DSCAM: variants seen among roughly 807,000 people sequenced by gnomAD.
DSCAM encodes the protein cell adhesion molecule DSCAM.
DSCAM carries 47 observed loss-of-function variants against 217.7 expected under a neutral mutation model. The ratio of observed to expected loss-of-function variants is 0.22; its 90% confidence interval spans 0.17 to 0.28. The LOEUF (loss-of-function observed/expected upper bound fraction) is 0.28, where lower values mean the gene tolerates loss of function less well. DSCAM is among the 10% of genes least tolerant of loss of function. The pLI, the probability that DSCAM is intolerant of heterozygous loss-of-function variation, is 1.00. For synonymous variants in DSCAM, 1,056 were observed against 1,015.3 expected (o/e 1.04, Z -0.76); for missense variants, 2,080 against 2,618.3 (o/e 0.79, Z 4.49).
At chr21:40,222,470 G>C (rs530937631) in intron 11 of DSCAM, among the ~76,000 whole-genome samples, 2 of 152,262 alleles carry the variant, frequency 1.3e-5, no homozygotes, top group Admixed American at 1.3e-4. Context: ...TTTTGGTAGA[G>C]TATCAAAGAG....
chr21:40,802,675 A>G (rs1163754763), intron 1 of DSCAM, among the ~76,000 whole-genome samples: 1 of 152,170 alleles, frequency 6.6e-6, no homozygotes, highest in Non-Finnish European at 1.5e-5. Flanking sequence ...GCTTCGTAAC[A>G]GGAGAAAGAG....
At chr21:40,680,304 T>C (rs1201424045) in intron 3 of DSCAM, among the ~76,000 whole-genome samples, 3 of 152,176 alleles carry the variant, frequency 2.0e-5, no homozygotes, top group Non-Finnish European at 4.4e-5. Context: ...CAGAATTACT[T>C]AGCTATGTTC....
At chr21:40,231,236 G>C (rs2091379527) in intron 11 of DSCAM, among the ~76,000 whole-genome samples, 2 of 151,128 alleles carry the variant, frequency 1.3e-5, no homozygotes, top group African/African-American at 4.9e-5. Flanking sequence ...GTCTGTGAAA[G>C]TGTGAGGACG....
At chr21:40,306,871 A>G (rs992466579) in intron 9 of DSCAM, among the ~76,000 whole-genome samples, 1 of 151,812 alleles carries the variant, frequency 6.6e-6, no homozygotes, top group Non-Finnish European at 1.5e-5. Context: ...TTTTTGCATC[A>G]ATGTTCATCA....
chr21:40,360,121 G>GTTTTTTTTTTTTTTTTTTT lies in DSCAM; in HGVS notation c.656-6379_656-6378insAAAAAAAAAAAAAAAAAAA, dbSNP rs764160478. ...TAGTGAGCATGGTACTTCATAGGTA[G>GTTTTTTTTTTTTTTTTTTT]TCTTTTTTTTTTTTTTTTTTTTTTT... On this transcript the variant is annotated intron_variant, in intron 4 of 32. Coordinates refer to ENST00000400454, the MANE Select transcript of DSCAM (RefSeq NM_001389.5). Among the ~76,000 whole-genome samples, 19 of 82,656 alleles carry GTTTTTTTTTTTTTTTTTTT rather than the reference G, an allele frequency of 2.3e-4. 8 individuals are homozygous for GTTTTTTTTTTTTTTTTTTT. The highest frequency in any genetic ancestry group is 4.4e-4 in the East Asian group (1 of 2,292). The allele number at this position is 82,656 out of a possible 152,430, so 54.2% of individuals were successfully genotyped here.
intron 3 of DSCAM, among the ~76,000 whole-genome samples, chr21:40,503,275 A>G (rs78031292): frequency 0.012 from 1,866 of 152,288 alleles, 35 homozygotes; most frequent in African/African-American, 0.041. Flanking sequence ...GTCTTCTTCG[A>G]GCATTGCCCT....
intron 5 of DSCAM, among the ~76,000 whole-genome samples, chr21:40,349,744 A>C (rs2074608333): frequency 6.6e-6 from 1 of 152,210 alleles, no homozygotes; most frequent in South Asian, 2.1e-4. Flanking sequence ...TTTTTGGTGA[A>C]AGACCTACAG....
intron 3 of DSCAM, among the ~76,000 whole-genome samples, chr21:40,689,319 T>C (rs149596364): frequency 6.6e-6 from 1 of 152,338 alleles, no homozygotes; most frequent in East Asian, 1.9e-4. Context: ...AGCTCATCTG[T>C]TAGAAGCAGG....
At chr21:40,519,006 A>G (rs1199088515) in intron 3 of DSCAM, among the ~76,000 whole-genome samples, 1 of 152,142 alleles carries the variant, frequency 6.6e-6, no homozygotes, top group Non-Finnish European at 1.5e-5. Flanking sequence ...CTTCATTTCT[A>G]AATATACCAA....
intron 10 of DSCAM, among the ~76,000 whole-genome samples, chr21:40,282,202 C>G (rs2073769864): frequency 6.6e-6 from 1 of 152,102 alleles, no homozygotes; most frequent in Non-Finnish European, 1.5e-5. Context: ...ATGTCGTTCC[C>G]AAAGTTGACT....
In DSCAM at chr21:40,619,966, AAAAG is replaced by A. The variant is rs1416920610; in HGVS notation, c.508+72840_508+72843del. Among the ~76,000 whole-genome samples, 3 of 149,754 alleles carry A rather than the reference AAAAG, an allele frequency of 2.0e-5. No homozygotes were observed. In the South Asian group the frequency reaches 6.4e-4, roughly 32 times the overall value. ...AAAGGAAGAAAAAAGGAAAAAGAGA[AAAAG>A]AAGGAAAAGAAAAAGAAAGAGAGAG... is the stretch of plus-strand genomic sequence containing the variant. On this transcript the variant is annotated intron_variant, in intron 3 of 32. Coordinates refer to ENST00000400454, the MANE Select transcript of DSCAM (RefSeq NM_001389.5).
At chr21:40,762,315 A>G (rs1035248919) in intron 1 of DSCAM, among the ~76,000 whole-genome samples, 1 of 152,036 alleles carries the variant, frequency 6.6e-6, no homozygotes, top group African/African-American at 2.4e-5. Context: ...AAACTACCAT[A>G]AGAGAATACT....
intron 10 of DSCAM, among the ~76,000 whole-genome samples, chr21:40,279,162 C>T (rs1259803181): frequency 1.3e-5 from 2 of 152,152 alleles, no homozygotes; most frequent in Non-Finnish European, 2.9e-5. Flanking sequence ...ATTTTATTAT[C>T]TCTTCAATAT....
chr21:40,532,252 A>C (rs547079878), intron 3 of DSCAM, among the ~76,000 whole-genome samples: 1 of 147,774 alleles, frequency 6.8e-6, no homozygotes, highest in Non-Finnish European at 1.5e-5. Context: ...AGAACAATGA[A>C]TCTGAAATAC....
rs185501883 is a variant in DSCAM at position 40,335,440 on chromosome 21, G to A, written c.1783+2661C>T. Among the ~76,000 whole-genome samples, 240 of 152,220 alleles carry A rather than the reference G, an allele frequency of 1.6e-3. 1 individual carries two copies. The highest frequency in any genetic ancestry group is 5.4e-3 in the African/African-American group (224 of 41,544). On this transcript the variant is annotated intron_variant, in intron 8 of 32. Transcript: ENST00000400454. The stretch of plus-strand genomic sequence containing the variant: ...TTCTTTTGGCCATAAGCTAGTTTGA[G>A]TTGGTTTCTGTCACTTCAAAAGGAT...
intron 1 of DSCAM, among the ~76,000 whole-genome samples, chr21:40,747,028 A>G (rs114680853): frequency 0.046 from 6,919 of 151,984 alleles, 155 homozygotes; most frequent in Middle Eastern, 0.085. Flanking sequence ...GAAAATATGC[A>G]CACAACATAC....
At position 40,055,742 on chromosome 21, in the gene DSCAM, T is replaced by A. The variant is rs1366174422; in HGVS notation, c.5018A>T (p.Asp1673Val). 1 of 1,612,992 alleles carries A rather than the reference T, an allele frequency of 6.2e-7. No homozygotes were observed. The highest frequency in any genetic ancestry group is 8.5e-7 in the Non-Finnish European group (1 of 1,179,110). Residue 1673 changes from aspartate (D) to valine (V), a missense_variant, in exon 29 of 33, where the codon GAC becomes GTC. By Grantham distance (152) the Asp-to-Val change is radical (BLOSUM62 -3). Around this residue, in one of 5 missense-constraint regions of DSCAM, gnomAD observed 1,144 missense variants for 1,421.1 expected, o/e 0.81. Coordinates refer to ENST00000400454, the MANE Select transcript of DSCAM (RefSeq NM_001389.5). ...PRAQLLIEER[D>V]TMETIDDRST... ...CAGCTTACCAATGGTCTCCATCGTGTCTCTCTCTTCAATCAAAAGCTGAGC... is the reference window on the plus strand; with the variant it reads ...CAGCTTACCAATGGTCTCCATCGTGACTCTCTCTTCAATCAAAAGCTGAGC...
chr21:40,188,108 TCA>T (rs34374148), intron 12 of DSCAM, 121 bp from the exon 13 acceptor site: 26,162 of 569,904 alleles, frequency 0.046, 1,605 homozygotes, highest in African/African-American at 0.25. Flanking sequence ...ATAGGTACAC[TCA>T]CACACACACA....
chr21:40,269,587 A>C (rs1363377411), intron 11 of DSCAM, among the ~76,000 whole-genome samples: 2 of 152,170 alleles, frequency 1.3e-5, no homozygotes, highest in Non-Finnish European at 2.9e-5. Context: ...ACAGCAATTT[A>C]TTCTCACATC....
Sources: allele counts gnomAD v4.1 joint callset (sites outside exome capture counted in the v4.1 genomes callset), GRCh38; gene constraint gnomAD v4.1.1; regional missense constraint gnomAD v4.1.1; transcripts MANE v1.5; gene names NCBI Gene and HGNC (gene_info 2026-07-23, HGNC 2026-07-21).